Variants in BZW2 observed in about 807,000 individuals in gnomAD.
The protein encoded by BZW2 is basic leucine zipper and W2 domains 2.
A neutral mutation model predicts 53.2 loss-of-function variants in BZW2; 23 were observed. The ratio of observed to expected loss-of-function variants is 0.43; its 90% CI spans 0.31 to 0.61. The LOEUF is 0.61. Ranked by LOEUF, BZW2 falls within the 20% of genes least tolerant of loss-of-function variation. The pLI is 0.09. For synonymous variants in BZW2, 227 were observed against 186.4 expected (o/e 1.22, Z -1.77); for missense variants, 409 against 503.1 (o/e 0.81, Z 1.79).
rs1783852202 is a variant in BZW2 at position 16,706,199 on chromosome 7, A to AT, written c.*112dup. The AT allele has an allele frequency of 8.3e-7, 1 of 1,198,218 alleles. No homozygotes were observed. The highest frequency in any genetic ancestry group is 1.2e-6 in the Non-Finnish European group (1 of 828,104). The allele number at this position is 1,198,218 out of a possible 1,614,324, so 74.2% of individuals were successfully genotyped here. A position where few individuals can be genotyped will look rare whatever the true frequency, so the allele number is the denominator to read the frequency against. The stretch of plus-strand genomic sequence containing the variant: ...TCTGTTTTCGCAAAGGAAAAAAAAA[A>AT]TAGGATAGGCTTCCCTTGTGCAGAG... On this transcript the variant is annotated 3_prime_UTR_variant, in exon 12 of 12. Coordinates refer to ENST00000258761, the MANE Select transcript of BZW2 (RefSeq NM_014038.3).
intron 1 of BZW2, among the ~76,000 whole-genome samples, chr7:16,654,376 A>G (rs1374704217): frequency 6.6e-6 from 1 of 152,156 alleles, no homozygotes. Flanking sequence ...TGACTTTTAA[A>G]ATAAAGATTC....
intron 1 of BZW2, among the ~76,000 whole-genome samples, chr7:16,650,809 G>C (rs1781967069): frequency 1.3e-5 from 2 of 152,124 alleles, no homozygotes; most frequent in African/African-American, 4.8e-5. Context: ...GTGCCGAGTG[G>C]AATGATTTGC....
chr7:16,686,650 A>G (rs1783135237), intron 6 of BZW2: 2 of 152,336 alleles, frequency 1.3e-5, no homozygotes. Context: ...ATTACAATGC[A>G]ACACAAAACA....
chr7:16,665,049 C>G (rs967325123), intron 1 of BZW2, among the ~76,000 whole-genome samples: 1 of 152,132 alleles, frequency 6.6e-6, no homozygotes, highest in African/African-American at 2.4e-5. Context: ...CCGTGGCTCA[C>G]GCCTGTAATC....
At chr7:16,669,148 G>A (rs1434351409) in intron 2 of BZW2, among the ~76,000 whole-genome samples, 2 of 152,120 alleles carry the variant, frequency 1.3e-5, no homozygotes, top group Non-Finnish European at 2.9e-5. Context: ...TGTTGTTGGA[G>A]ACAGTCTCAC....
At chr7:16,675,566 T>G (rs572264952) in intron 3 of BZW2, among the ~76,000 whole-genome samples, 1 of 152,362 alleles carries the variant, frequency 6.6e-6, no homozygotes, top group South Asian at 2.1e-4. Context: ...TCAAGCAATC[T>G]GTTTGGTACA....
rs1236869110 is a variant in BZW2, at chr7:16,698,142, A to G, written c.1064A>G (p.His355Arg). The G allele has an allele frequency of 1.2e-6, 2 of 1,614,142 alleles. No individual in the cohort carries two copies. Among genetic ancestry groups the G allele is most frequent in the South Asian group, 2.2e-5 (2 of 91,074 alleles). The change falls in exon 10 of 12, where the codon CAT (histidine) becomes CGT (arginine). Residue 355 changes from histidine (H) to arginine (R), a missense_variant. By Grantham distance (29) the His-to-Arg change is conservative (BLOSUM62 0). Around this residue, in one of 3 missense-constraint regions of BZW2, gnomAD observed 88 missense variants for 114.6 expected, o/e 0.77. Coordinates refer to ENST00000258761, the MANE Select transcript of BZW2 (RefSeq NM_014038.3). ...CAGGAATACTGCTACGACAACATCC[A>G]TTTCATGAAAGCCTTTCAGAAGATT... ...KVQEYCYDNI[H>R]FMKAFQKIVV...
At chr7:16,696,834 T>C (rs578232045) in intron 8 of BZW2, 81 bp from the exon 9 acceptor site, 2 of 1,469,594 alleles carry the variant, frequency 1.4e-6, no homozygotes, top group Non-Finnish European at 1.9e-6. Context: ...CCCCAAAACC[T>C]TGATTGACTG....
chr7:16,649,805 T>G (rs1781944755), intron 1 of BZW2, among the ~76,000 whole-genome samples: 2 of 152,148 alleles, frequency 1.3e-5, no homozygotes, highest in Admixed American at 1.3e-4. Context: ...CAGCTGAGAT[T>G]TGCTTTAATA....
intron 2 of BZW2, among the ~76,000 whole-genome samples, chr7:16,669,457 C>G (rs1374154750): frequency 1.3e-5 from 2 of 152,058 alleles, no homozygotes; most frequent in Non-Finnish European, 2.9e-5. Context: ...TCACTTTTAG[C>G]TTTATAGTAA....
At chr7:16,667,031 C>T (rs1263432235) in intron 2 of BZW2, among the ~76,000 whole-genome samples, 1 of 151,996 alleles carries the variant, frequency 6.6e-6, no homozygotes, top group African/African-American at 2.4e-5. Context: ...GCCTGTAATC[C>T]CAACACTTTG....
At chr7:16,685,444 T>C (rs945195214) in intron 5 of BZW2, among the ~76,000 whole-genome samples, 2 of 152,142 alleles carry the variant, frequency 1.3e-5, no homozygotes, top group African/African-American at 2.4e-5. Context: ...GGGCTTTTTT[T>C]TGTTTCTATG....
intron 5 of BZW2, among the ~76,000 whole-genome samples, chr7:16,684,899 A>T (rs950116851): frequency 6.6e-6 from 1 of 152,224 alleles, no homozygotes; most frequent in East Asian, 1.9e-4. Context: ...ATAGTAAGTT[A>T]ATATTTTCTT....
Position 16,701,948 on chromosome 7 carries a change from A to AG in BZW2, c.1109-2594dup, listed in dbSNP as rs561668762. Among the ~76,000 whole-genome samples, 112 of 152,266 alleles carry AG rather than the reference A, an allele frequency of 7.4e-4. 1 individual carries two copies. Among genetic ancestry groups the AG allele is most frequent in the African/African-American group, 2.6e-3 (107 of 41,566 alleles). ...ACCTAACTTGTTAAAGGTAATTTGG[A>AG]GGGGGAGAAGTGAAGGCTCTCAAGG... On this transcript the variant is annotated intron_variant, in intron 10 of 11. Transcript: ENST00000258761.
intron 2 of BZW2, 146 bp from the exon 3 acceptor site, chr7:16,674,266 A>C (rs1343689826): frequency 1.8e-6 from 1 of 552,698 alleles, no homozygotes; most frequent in Non-Finnish European, 3.0e-6. Flanking sequence ...TTGTTTGTTT[A>C]TATTTGTATA....
At position 16,698,324 on chromosome 7, in the gene BZW2, T is replaced by C; in HGVS notation, c.1108+138T>C. ...AAGATGCTAATTTGTGAAAGTTTTATTGAGGCAACCATACCATGTAGAGAG... is the reference window on the plus strand; with the variant it reads ...AAGATGCTAATTTGTGAAAGTTTTACTGAGGCAACCATACCATGTAGAGAG... On this transcript the variant is annotated intron_variant, in intron 10 of 11. Transcript: ENST00000258761. The C allele has an allele frequency of 5.1e-6, 6 of 1,187,282 alleles. No individual in the cohort carries two copies. The South Asian group carries it at 5.6e-5, about 11-fold the overall frequency. 73.5% of individuals were successfully genotyped at this position (1,187,282 alleles called of 1,614,324 possible).
At chr7:16,692,460 T>A (rs7782288) in intron 7 of BZW2, among the ~76,000 whole-genome samples, 2,630 of 152,034 alleles carry the variant, frequency 0.017, 61 homozygotes, top group African/African-American at 0.059. Flanking sequence ...TGTATTATAA[T>A]AAAGGTAAAA....
intron 1 of BZW2, among the ~76,000 whole-genome samples, chr7:16,663,961 G>A (rs571818946): frequency 1.3e-5 from 2 of 152,008 alleles, no homozygotes; most frequent in East Asian, 1.9e-4. Flanking sequence ...GTCCATTAAG[G>A]TAAACCAAAA....
At chr7:16,689,667 T>C in intron 6 of BZW2, 130 bp from the exon 7 acceptor site, 3 of 634,060 alleles carry the variant, frequency 4.7e-6, no homozygotes, top group African/African-American at 1.9e-5. Flanking sequence ...TAGAGGTCTA[T>C]TGACTTTTCA....
Sources: allele counts gnomAD v4.1 joint callset (sites outside exome capture counted in the v4.1 genomes callset), GRCh38; gene constraint gnomAD v4.1.1; regional missense constraint gnomAD v4.1.1; transcripts MANE v1.5; gene names NCBI Gene and HGNC (gene_info 2026-07-23, HGNC 2026-07-21).